Variants in TEX11 observed in about 807,000 individuals in gnomAD.
TEX11 encodes the protein testis-expressed protein 11.
TEX11 carries 7 observed loss-of-function variants against 84.4 expected under a neutral mutation model. The ratio of observed to expected loss-of-function variants is 0.08; its 90% CI spans 0.05 to 0.16. The LOEUF is 0.16. Ranked by LOEUF, TEX11 falls within the 10% of genes least tolerant of loss-of-function variation. The probability of loss-of-function intolerance (pLI) is 1.00; values close to 1 mark genes in which losing one functional copy is unlikely to be tolerated. For synonymous variants in TEX11, 264 were observed against 222.8 expected (o/e 1.18, Z -1.64); for missense variants, 551 against 660.5 (o/e 0.83, Z 1.82).
At chrX:70,886,984 C>A (rs1448590853) in intron 2 of TEX11, among the ~76,000 whole-genome samples, 1 of 111,726 alleles carries the variant, frequency 9.0e-6, no homozygotes, top group Non-Finnish European at 1.9e-5. Flanking sequence ...CTGGTTCACA[C>A]CTGAAGCCAA....
intron 16 of TEX11, among the ~76,000 whole-genome samples, chrX:70,658,358 A>C (rs946193704): frequency 7.2e-5 from 8 of 111,585 alleles, no homozygotes; most frequent in Non-Finnish European, 1.3e-4. Context: ...CGGAGGTTGC[A>C]GTGAGCCGAG....
chrX:70,640,747 C>A (rs2089645413), intron 17 of TEX11, among the ~76,000 whole-genome samples: 1 of 109,277 alleles, frequency 9.2e-6, no homozygotes, highest in African/African-American at 3.3e-5. Flanking sequence ...CCAGGCCTGC[C>A]CTAAAAGAGC....
At chrX:70,844,194 A>G (rs2091464598) in intron 7 of TEX11, among the ~76,000 whole-genome samples, 1 of 110,222 alleles carries the variant, frequency 9.1e-6, no homozygotes, top group Non-Finnish European at 1.9e-5. Context: ...CACAATAGCA[A>G]AGACTTGGAA....
chrX:70,792,536 G>A (rs1376719231), intron 9 of TEX11, among the ~76,000 whole-genome samples: 1 of 103,492 alleles, frequency 9.7e-6, no homozygotes, highest in Non-Finnish European at 2.0e-5. Flanking sequence ...AAAAAAAAAT[G>A]ACTAAAACCA....
chrX:70,774,923 G>A (rs960447438), intron 9 of TEX11, among the ~76,000 whole-genome samples: 1 of 111,389 alleles, frequency 9.0e-6, no homozygotes, highest in African/African-American at 3.3e-5. Context: ...AAACAAAGCT[G>A]GCAGCATCAT....
intron 20 of TEX11, among the ~76,000 whole-genome samples, chrX:70,618,129 C>A (rs1394456566): frequency 8.9e-6 from 1 of 111,736 alleles, no homozygotes; most frequent in African/African-American, 3.3e-5. Flanking sequence ...GGTAAAAGCC[C>A]CTGTGTTTGG....
intron 13 of TEX11, among the ~76,000 whole-genome samples, chrX:70,712,983 G>C (rs368558218): frequency 0.014 from 1,541 of 111,668 alleles, 19 homozygotes; most frequent in African/African-American, 0.046. Flanking sequence ...CTAATTTATT[G>C]AGAGTTTTTA....
chrX:70,559,043 T>C (rs988735266), intron 25 of TEX11, among the ~76,000 whole-genome samples: 1 of 112,071 alleles, frequency 8.9e-6, no homozygotes, highest in African/African-American at 3.2e-5. Context: ...GGTTACCATA[T>C]GACCCAGCAA....
chrX:70,582,672 T>C (rs979130193), intron 25 of TEX11, among the ~76,000 whole-genome samples: 1 of 111,352 alleles, frequency 9.0e-6, no homozygotes, highest in African/African-American at 3.3e-5. Flanking sequence ...GCTAAAGTTC[T>C]TTAGAATTGT....
At chrX:70,644,010 G>A (rs1185364300) in intron 17 of TEX11, among the ~76,000 whole-genome samples, 3 of 102,906 alleles carry the variant, frequency 2.9e-5, no homozygotes, top group Admixed American at 1.1e-4. Context: ...GAAAATTTTC[G>A]CAACCTACTC....
At chrX:70,835,522 C>A (rs2091400619) in intron 7 of TEX11, among the ~76,000 whole-genome samples, 1 of 111,945 alleles carries the variant, frequency 8.9e-6, no homozygotes, top group Admixed American at 9.5e-5. Flanking sequence ...AATCACATGC[C>A]CAGCTCTCAC....
chrX:70,628,897 C>T (rs1367183875), intron 18 of TEX11, among the ~76,000 whole-genome samples: 1 of 112,335 alleles, frequency 8.9e-6, no homozygotes, highest in African/African-American at 3.2e-5. Context: ...AAATATGGAA[C>T]TGTAGTTCTG....
chrX:70,621,585 A>T lies in TEX11; in HGVS notation c.1751+2365T>A, dbSNP rs1335866037. Among the ~76,000 whole-genome samples the T allele has an allele frequency of 9.4e-4, 73 of 77,328 alleles. 1 individual carries two copies. The highest frequency in any genetic ancestry group is 3.3e-3 in the African/African-American group (67 of 20,423). 67.2% of individuals were successfully genotyped at this position (77,328 alleles called of 115,157 possible). On this transcript the variant is annotated intron_variant, in intron 20 of 29. Coordinates refer to ENST00000374333, the MANE Select transcript of TEX11 (RefSeq NM_031276.3). Reference sequence around the variant, plus strand: ...ATATATATATATATATATAAATAAAAATAAAATATTAAACTTAAAAAATAA... The same window carrying T: ...ATATATATATATATATATAAATAAATATAAAATATTAAACTTAAAAAATAA...
intron 13 of TEX11, among the ~76,000 whole-genome samples, chrX:70,694,830 G>A (rs1298331700): frequency 9.0e-6 from 1 of 111,360 alleles, no homozygotes; most frequent in Non-Finnish European, 1.9e-5. Context: ...AAGTTCAAAG[G>A]GGAAGCGGAT....
chrX:70,601,480 T>C (rs2089109264), intron 24 of TEX11, among the ~76,000 whole-genome samples: 2 of 95,053 alleles, frequency 2.1e-5, no homozygotes, highest in African/African-American at 7.6e-5. Context: ...ACTATTCCAA[T>C]CAATAGAAAA....
At chrX:70,812,692 A>G (rs1231636862) in intron 8 of TEX11, among the ~76,000 whole-genome samples, 5 of 111,334 alleles carry the variant, frequency 4.5e-5, no homozygotes, top group Non-Finnish European at 9.4e-5. Context: ...AAATTGATAG[A>G]TCGCTAGCAA....
intron 17 of TEX11, among the ~76,000 whole-genome samples, chrX:70,642,062 C>T (rs1307262410): frequency 1.6e-3 from 173 of 109,968 alleles, no homozygotes; most frequent in Non-Finnish European, 2.5e-3. Context: ...ATCAAATAGA[C>T]ACAATAAAAA....
chrX:70,705,340 C>T (rs1419979985), intron 13 of TEX11, among the ~76,000 whole-genome samples: 2 of 111,503 alleles, frequency 1.8e-5, no homozygotes, highest in Non-Finnish European at 3.8e-5. Flanking sequence ...AAGAAAGTCA[C>T]TGGTAGCTTG....
chrX:70,580,342 G>A (rs999344350), intron 25 of TEX11, among the ~76,000 whole-genome samples: 2 of 112,080 alleles, frequency 1.8e-5, no homozygotes, highest in Non-Finnish European at 3.8e-5. Flanking sequence ...GATGGGTAAT[G>A]GGTAAAAAAT....
Sources: gnomAD v4.1 joint callset for allele counts (sites outside exome capture counted in the v4.1 genomes callset) on GRCh38, gnomAD v4.1.1 for gene constraint, MANE v1.5 for transcripts, NCBI Gene and HGNC (gene_info 2026-07-23, HGNC 2026-07-21) for gene names.